Variants in PPARGC1A observed in about 807,000 individuals in gnomAD.
PPARGC1A encodes the protein PPARG coactivator 1 alpha.
In PPARGC1A, 25 loss-of-function variants were observed where a neutral mutation model predicts 88.7. That is an observed-to-expected ratio of 0.28 (90% confidence interval 0.21 to 0.39). The LOEUF (loss-of-function observed/expected upper bound fraction) is 0.39, where lower values mean the gene tolerates loss of function less well. Among genes scored for constraint, PPARGC1A ranks in the 10% least tolerant of loss-of-function variants. PPARGC1A has a pLI of 1.00. For missense variants in PPARGC1A, 880 were observed against 968.7 expected, an observed-to-expected ratio of 0.91 and a Z score of 1.22; for synonymous variants, 363 against 355.6, an observed-to-expected ratio of 1.02 and a Z score of -0.24.
At chr4:23,968,528 A>T in the PPARGC1A span, among the ~76,000 whole-genome samples, 1 of 152,090 alleles carries the variant, frequency 6.6e-6, no homozygotes, top group African/African-American at 2.4e-5. Context: ...CTCTACTCAT[A>T]CTTTTATGAA....
chr4:24,241,860 G>A, the PPARGC1A span, among the ~76,000 whole-genome samples: 688 of 152,334 alleles, frequency 4.5e-3, 5 homozygotes, highest in African/African-American at 0.016. Context: ...TAACATGGGA[G>A]AAACTCATTG....
chr4:24,467,050 AAAAG>A, the PPARGC1A span, among the ~76,000 whole-genome samples: 1,702 of 120,034 alleles, frequency 0.014, 25 homozygotes, highest in African/African-American at 0.044. Flanking sequence ...GAGAGAGAGA[AAAAG>A]AAAGAAAGAG....
chr4:23,833,133 T>C (rs569176594), intron 2 of PPARGC1A, among the ~76,000 whole-genome samples: 2 of 152,320 alleles, frequency 1.3e-5, no homozygotes, highest in African/African-American at 2.4e-5. Flanking sequence ...GGGAAGAACC[T>C]GTAAACAATT....
the PPARGC1A span, among the ~76,000 whole-genome samples, chr4:24,020,382 G>A: frequency 0.013 from 1,994 of 152,160 alleles, 20 homozygotes; most frequent in Non-Finnish European, 0.017. Context: ...TTTTTTGAGG[G>A]ACAATTAATA....
the PPARGC1A span, among the ~76,000 whole-genome samples, chr4:23,941,669 G>A: frequency 6.6e-6 from 1 of 152,142 alleles, no homozygotes; most frequent in East Asian, 1.9e-4. Flanking sequence ...GAATTCTGAT[G>A]TGAGATCGTT....
intron 1 of PPARGC1A, among the ~76,000 whole-genome samples, chr4:23,898,421 AAAATTAACTTCTCTACCAG>A (rs1718867920): frequency 6.6e-6 from 1 of 152,168 alleles, no homozygotes; most frequent in Non-Finnish European, 1.5e-5. Context: ...TAGTCACAGG[AAAATTAACTTCTCTACCAG>A]AAATTAGGAG....
At chr4:24,374,449 G>A in the PPARGC1A span, among the ~76,000 whole-genome samples, 11 of 151,976 alleles carry the variant, frequency 7.2e-5, no homozygotes, top group Admixed American at 7.2e-4. Context: ...AAGCAACTAA[G>A]GAGTTCTAGG....
chr4:24,032,959 CTTTAT>C, the PPARGC1A span, among the ~76,000 whole-genome samples: 1 of 152,156 alleles, frequency 6.6e-6, no homozygotes, highest in African/African-American at 2.4e-5. Flanking sequence ...CAAGATATAT[CTTTAT>C]TTTAAGGAGA....
the PPARGC1A span, among the ~76,000 whole-genome samples, chr4:24,413,408 G>A: frequency 1.1e-4 from 16 of 152,188 alleles, no homozygotes; most frequent in Admixed American, 5.9e-4. Context: ...GTTACCAACT[G>A]AGTAGATGGA....
chr4:24,051,148 A>G, the PPARGC1A span, among the ~76,000 whole-genome samples: 1 of 129,702 alleles, frequency 7.7e-6, no homozygotes, highest in Non-Finnish European at 1.6e-5. Flanking sequence ...AGATTTTGCC[A>G]CTGCACTCCA....
At chr4:24,341,409 G>A in the PPARGC1A span, among the ~76,000 whole-genome samples, 1 of 151,982 alleles carries the variant, frequency 6.6e-6, no homozygotes, top group Non-Finnish European at 1.5e-5. Context: ...AACCTATTGG[G>A]AGTCAGCTAA....
At chr4:23,979,006 GAAAGT>G in the PPARGC1A span, among the ~76,000 whole-genome samples, 1 of 152,132 alleles carries the variant, frequency 6.6e-6, no homozygotes, top group Admixed American at 6.5e-5. Context: ...GACAGGGGAA[GAAAGT>G]AAAGAAGACA....
At chr4:24,043,856 T>A in the PPARGC1A span, among the ~76,000 whole-genome samples, 3 of 152,162 alleles carry the variant, frequency 2.0e-5, no homozygotes, top group Admixed American at 1.3e-4. Context: ...GAATTTTGTT[T>A]ATTTTTTTTG....
At position 23,873,201 on chromosome 4, in the gene PPARGC1A, A is replaced by AAAAG. The variant is rs1713876834; in HGVS notation, c.234+11550_234+11551insCTTT. Among the ~76,000 whole-genome samples, 2 of 136,158 alleles carry AAAAG rather than the reference A, an allele frequency of 1.5e-5. 1 individual carries two copies. The highest frequency in any genetic ancestry group is 3.2e-5 in the Non-Finnish European group (2 of 62,724). The allele number at this position is 136,158 out of a possible 152,430, so 89.3% of individuals were successfully genotyped here. ...CGACAGAGCGAGACTCCGTCTCAAA[A>AAAAG]ATAAAAAATAAAAAATAAAAAATAA... On this transcript the variant is annotated intron_variant, in intron 2 of 12. Transcript: ENST00000264867.
chr4:24,209,147 G>T, the PPARGC1A span, among the ~76,000 whole-genome samples: 3 of 152,148 alleles, frequency 2.0e-5, no homozygotes, highest in Admixed American at 1.3e-4. Context: ...TCAAAGGCCG[G>T]TTTCATCACT....
At chr4:24,254,117 A>T in the PPARGC1A span, among the ~76,000 whole-genome samples, 17 of 152,222 alleles carry the variant, frequency 1.1e-4, no homozygotes, top group Non-Finnish European at 2.1e-4. Flanking sequence ...CATTCAGATG[A>T]ACGTGAAACT....
At chr4:23,908,147 G>A (rs1338516707), upstream of PPARGC1A, among the ~76,000 whole-genome samples, 1 of 152,218 alleles carries the variant, frequency 6.6e-6, no homozygotes, top group East Asian at 1.9e-4. Flanking sequence ...TTGCCACCAA[G>A]TGTAACTCTT....
At chr4:24,419,024 T>C in the PPARGC1A span, among the ~76,000 whole-genome samples, 5 of 152,118 alleles carry the variant, frequency 3.3e-5, no homozygotes, top group African/African-American at 1.2e-4. Flanking sequence ...GTAAGGTGTC[T>C]AGGTTTCAAA....
At chr4:23,800,981 T>C (rs1427017212) in intron 12 of PPARGC1A, among the ~76,000 whole-genome samples, 1 of 151,718 alleles carries the variant, frequency 6.6e-6, no homozygotes, top group Non-Finnish European at 1.5e-5. Context: ...TTTTTTTTTT[T>C]TTTAAAGAAA....
Sources: allele counts gnomAD v4.1 joint callset (sites outside exome capture counted in the v4.1 genomes callset), GRCh38; gene constraint gnomAD v4.1.1; transcripts MANE v1.5; gene names NCBI Gene and HGNC (gene_info 2026-07-23, HGNC 2026-07-21).